The following TLE4 variants were observed in gnomAD, a reference collection of about 807,000 sequenced individuals.
TLE4 encodes TLE family member 4, transcriptional corepressor.
A neutral mutation model predicts 92.8 loss-of-function variants in TLE4; 8 were observed. The observed-to-expected ratio is 0.09, with a 90% CI of 0.05 to 0.16. The LOEUF is 0.16. Among genes scored for constraint, TLE4 ranks in the 10% least tolerant of loss-of-function variants. TLE4 has a pLI of 1.00. For missense variants in TLE4, 675 were observed against 997.6 expected (o/e 0.68, Z 4.36); for synonymous variants, 371 against 374.1 (o/e 0.99, Z 0.10).
rs926643396 is a variant in TLE4 at position 79,676,070 on chromosome 9, T to G, written c.609+21995T>G. ...GATAACAGGCATCACACAAGATGCT[T>G]GAAGCTAGATTGCCCTGGTAGAGTG... is the stretch of plus-strand genomic sequence containing the variant. On this transcript the variant is annotated intron_variant, in intron 8 of 19. Coordinates refer to ENST00000376552, the MANE Select transcript of TLE4 (RefSeq NM_007005.6). Among the ~76,000 whole-genome samples the G allele has an allele frequency of 3.9e-5, 6 of 152,080 alleles. No individual in the cohort carries two copies. In the East Asian group the frequency reaches 1.2e-3, roughly 29 times the overall value.
At chr9:79,603,758 C>T (rs1231478860) in intron 4 of TLE4, among the ~76,000 whole-genome samples, 1 of 152,110 alleles carries the variant, frequency 6.6e-6, no homozygotes, top group Non-Finnish European at 1.5e-5. Flanking sequence ...AGATTCTAAC[C>T]ACCTAAACTG....
intron 8 of TLE4, among the ~76,000 whole-genome samples, chr9:79,665,890 A>G (rs559519136): frequency 6.6e-6 from 1 of 152,278 alleles, no homozygotes; most frequent in South Asian, 2.1e-4. Flanking sequence ...CCAGCTTTCT[A>G]GTTGTTACTT....
chr9:79,623,622 T>A (rs886430811), intron 5 of TLE4, among the ~76,000 whole-genome samples: 5 of 152,040 alleles, frequency 3.3e-5, no homozygotes, highest in African/African-American at 9.7e-5. Context: ...CACCATAAAA[T>A]TCCCTAGTTT....
intron 14 of TLE4, among the ~76,000 whole-genome samples, chr9:79,716,652 T>G (rs2074553600): frequency 6.6e-6 from 1 of 152,244 alleles, no homozygotes; most frequent in African/African-American, 2.4e-5. Context: ...TTTGCCATAT[T>G]CCTAATCATC....
At chr9:79,584,411 A>G (rs1211690012) in intron 4 of TLE4, among the ~76,000 whole-genome samples, 4 of 152,176 alleles carry the variant, frequency 2.6e-5, no homozygotes, top group Admixed American at 2.6e-4. Context: ...CACTTTTAGA[A>G]AAGTGCTTGA....
chr9:79,708,743 C>T lies in TLE4; in HGVS notation c.1220C>T (p.Ala407Val). 1 of 1,608,152 alleles carries T rather than the reference C, an allele frequency of 6.2e-7. No individual in the cohort carries two copies. The highest frequency in any genetic ancestry group is 8.5e-7 in the Non-Finnish European group (1 of 1,179,298). Residue 407 changes from alanine to valine, a missense_variant, in exon 13 of 20, where the codon GCT becomes GTT. Ala to Val is a moderately conservative substitution (Grantham distance 64, BLOSUM62 0). This residue lies in a region of TLE4 where 119 missense variants were observed against 175.9 expected (regional missense o/e 0.68). Coordinates refer to ENST00000376552, the MANE Select transcript of TLE4 (RefSeq NM_007005.6). ...HNISPQMSAA[A>V]AAAAAAAAYG... ...ATCTCCCCTCAGATGAGCGCAGCTG[C>T]TGCCGCCGCCGCTGCTGCTGCTGCC...
At chr9:79,584,065 C>T (rs536924384) in intron 4 of TLE4, among the ~76,000 whole-genome samples, 5 of 152,304 alleles carry the variant, frequency 3.3e-5, no homozygotes, top group Non-Finnish European at 7.3e-5. Context: ...CGCAGGTCAG[C>T]GAATGCGCCT....
At chr9:79,711,978 G>A (rs1380675158) in intron 14 of TLE4, among the ~76,000 whole-genome samples, 1 of 152,172 alleles carries the variant, frequency 6.6e-6, no homozygotes, top group African/African-American at 2.4e-5. Context: ...TTTAGACTCT[G>A]CCAGTTGAAC....
intron 8 of TLE4, among the ~76,000 whole-genome samples, chr9:79,668,461 A>G (rs934873841): frequency 2.6e-5 from 4 of 152,190 alleles, no homozygotes; most frequent in African/African-American, 9.6e-5. Context: ...TACCCTTCCG[A>G]TACCAAACTG....
At chr9:79,679,870 G>C (rs2064119492) in intron 8 of TLE4, among the ~76,000 whole-genome samples, 1 of 152,072 alleles carries the variant, frequency 6.6e-6, no homozygotes. Context: ...TTATTAAATA[G>C]GGAATCCTTT....
intron 4 of TLE4, among the ~76,000 whole-genome samples, chr9:79,604,990 AG>A (rs767104558): frequency 6.6e-6 from 1 of 151,872 alleles, no homozygotes; most frequent in East Asian, 1.9e-4. Context: ...AGTAGGAAAG[AG>A]GAAGGTGTGT....
intron 8 of TLE4, among the ~76,000 whole-genome samples, chr9:79,700,094 T>C (rs1203820832): frequency 6.6e-6 from 1 of 152,208 alleles, no homozygotes; most frequent in Non-Finnish European, 1.5e-5. Context: ...GGGGCTAGGC[T>C]ATGTGCCTGG....
intron 6 of TLE4, among the ~76,000 whole-genome samples, chr9:79,633,638 A>G (rs929086361): frequency 1.3e-5 from 2 of 152,158 alleles, no homozygotes; most frequent in Admixed American, 1.3e-4. Context: ...AAAACAGAGA[A>G]TAAGGCAACC....
chr9:79,713,944 A>G (rs2073950024), intron 14 of TLE4, among the ~76,000 whole-genome samples: 1 of 150,802 alleles, frequency 6.6e-6, no homozygotes, highest in Non-Finnish European at 1.5e-5. Flanking sequence ...GCTCACTGCA[A>G]CCTCTGCCTC....
At chr9:79,712,797 A>C (rs1223686197) in intron 14 of TLE4, among the ~76,000 whole-genome samples, 1 of 152,206 alleles carries the variant, frequency 6.6e-6, no homozygotes, top group Admixed American at 6.5e-5. Flanking sequence ...CTGCTACTCA[A>C]ATGAGACTTC....
At chr9:79,684,996 G>A (rs1041868534) in intron 8 of TLE4, among the ~76,000 whole-genome samples, 2 of 152,188 alleles carry the variant, frequency 1.3e-5, no homozygotes, top group Non-Finnish European at 1.5e-5. Flanking sequence ...ATGCGTCATG[G>A]TTGGGCCCGT....
intron 4 of TLE4, among the ~76,000 whole-genome samples, chr9:79,592,784 T>C (rs1318229603): frequency 6.6e-6 from 1 of 152,238 alleles, no homozygotes; most frequent in East Asian, 1.9e-4. Flanking sequence ...TTTTATTTCT[T>C]GTATGACTTG....
At chr9:79,700,022 C>G (rs1459933890) in intron 8 of TLE4, among the ~76,000 whole-genome samples, 2 of 152,324 alleles carry the variant, frequency 1.3e-5, no homozygotes, top group African/African-American at 4.8e-5. Context: ...ATCCCAATCT[C>G]TAAAGTAAGT....
chr9:79,575,489 G>T (rs941023980), intron 3 of TLE4, among the ~76,000 whole-genome samples: 29 of 152,076 alleles, frequency 1.9e-4, no homozygotes, highest in African/African-American at 6.5e-4. Flanking sequence ...TGTTATATTG[G>T]TTTGAGGAAT....
Sources: allele counts gnomAD v4.1 joint callset (sites outside exome capture counted in the v4.1 genomes callset), GRCh38; gene constraint gnomAD v4.1.1; regional missense constraint gnomAD v4.1.1; transcripts MANE v1.5; gene names NCBI Gene and HGNC (gene_info 2026-07-23, HGNC 2026-07-21).